DIS3L2: variants seen among roughly 807,000 people sequenced by gnomAD.
DIS3L2 encodes DIS3 like 3'-5' exoribonuclease 2, also known as DIS3-like exonuclease 2.
Under a neutral mutation model 97.5 loss-of-function variants are expected in DIS3L2, and 34 were observed. The observed-to-expected ratio is 0.35, with a 90% CI of 0.27 to 0.46. The LOEUF (loss-of-function observed/expected upper bound fraction) is 0.46. Among genes scored for constraint, DIS3L2 ranks in the 20% least tolerant of loss-of-function variants. The probability of loss-of-function intolerance (pLI) is 1.00; values close to 1 mark genes in which losing one functional copy is unlikely to be tolerated. For missense variants in DIS3L2, 1,038 were observed against 1,146.0 expected, an observed-to-expected ratio of 0.91 and a Z score of 1.36; for synonymous variants, 435 against 445.2, an observed-to-expected ratio of 0.98 and a Z score of 0.29.
chr2:232,104,882 A>G lies in DIS3L2; in HGVS notation c.601+17161A>G, dbSNP rs1237868251. On this transcript the variant is annotated intron_variant, in intron 6 of 20. Coordinates refer to ENST00000325385, the MANE Select transcript of DIS3L2 (RefSeq NM_152383.5). ...CCCCAGGCTGGAGTGCAGTGGTGTG[A>G]TCTCGGCTCACTGCAACCTCTGCCT... is the stretch of plus-strand genomic sequence containing the variant. Among the ~76,000 whole-genome samples, 4 of 151,392 alleles carry G rather than the reference A, an allele frequency of 2.6e-5. No homozygotes were observed. The East Asian group carries it at 7.8e-4, about 29-fold the overall frequency.
intron 13 of DIS3L2, among the ~76,000 whole-genome samples, chr2:232,298,359 A>G (rs781647484): frequency 2.0e-5 from 3 of 152,240 alleles, no homozygotes; most frequent in Non-Finnish European, 4.4e-5. Context: ...CTCAAAATGG[A>G]CAGAATGAAT....
intron 9 of DIS3L2, among the ~76,000 whole-genome samples, chr2:232,171,180 C>G (rs1690978981): frequency 6.6e-6 from 1 of 152,028 alleles, no homozygotes; most frequent in Admixed American, 6.6e-5. Flanking sequence ...GATTTTTGAC[C>G]AGATTAGGAT....
intron 14 of DIS3L2, among the ~76,000 whole-genome samples, chr2:232,318,363 C>T (rs148855432): frequency 2.6e-5 from 4 of 152,370 alleles, no homozygotes; most frequent in African/African-American, 9.6e-5. Flanking sequence ...ACCAGTTTCG[C>T]CAAGTGTTCT....
chr2:232,006,386 G>A (rs1373859638), intron 1 of DIS3L2, among the ~76,000 whole-genome samples: 4 of 152,134 alleles, frequency 2.6e-5, no homozygotes, highest in African/African-American at 9.7e-5. Flanking sequence ...ATCTACTTAG[G>A]ACTCATTTTG....
intron 5 of DIS3L2, among the ~76,000 whole-genome samples, chr2:232,057,119 T>C (rs1695567083): frequency 6.6e-6 from 1 of 152,200 alleles, no homozygotes; most frequent in African/African-American, 2.4e-5. Context: ...CAATTAAGTA[T>C]GAATCTAATG....
At chr2:232,081,523 A>G (rs1208503590) in intron 5 of DIS3L2, among the ~76,000 whole-genome samples, 7 of 151,840 alleles carry the variant, frequency 4.6e-5, no homozygotes, top group African/African-American at 1.7e-4. Flanking sequence ...TAGCTGAAAC[A>G]CTTGTATAAA....
rs559659291 is a variant in DIS3L2 at position 232,276,816 on chromosome 2, G to A, written c.1659+13376G>A. On this transcript the variant is annotated intron_variant, in intron 13 of 20. Transcript: ENST00000325385. The surrounding 1 kb of genome is among the most constrained non-coding windows in gnomAD (Gnocchi z 4.4). ...AAATGGAGAGCATAACAGTACCTAC[G>A]TTATAGGAATATTAGGTTAGATGAG... Among the ~76,000 whole-genome samples the A allele has an allele frequency of 9.9e-5, 15 of 152,254 alleles. No homozygotes were observed. Among genetic ancestry groups the A allele is most frequent in the East Asian group, 3.9e-4 (2 of 5,174 alleles).
At chr2:232,042,620 C>A (rs558411391) in intron 5 of DIS3L2, among the ~76,000 whole-genome samples, 1 of 152,296 alleles carries the variant, frequency 6.6e-6, no homozygotes, top group East Asian at 1.9e-4. Context: ...TTCTTCATTA[C>A]TGCCAGCTCT....
chr2:232,173,329 C>G (rs988395719), intron 9 of DIS3L2, among the ~76,000 whole-genome samples: 2 of 152,164 alleles, frequency 1.3e-5, no homozygotes, highest in Non-Finnish European at 2.9e-5. Context: ...CTCCCTGGTT[C>G]AAGCGATTCT....
chr2:232,212,523 G>A lies in DIS3L2; in HGVS notation c.1204+2118G>A, dbSNP rs1206445901. Among the ~76,000 whole-genome samples the A allele has an allele frequency of 2.6e-5, 4 of 152,328 alleles. No individual in the cohort carries two copies. The East Asian group carries it at 7.7e-4, about 29-fold the overall frequency. On this transcript the variant is annotated intron_variant, in intron 10 of 20. Coordinates refer to ENST00000325385, the MANE Select transcript of DIS3L2 (RefSeq NM_152383.5). ...GTGGTTTTATGTCTAGGGCCCAAGT[G>A]TGTCAGCAGAGGTTTCATAAAGGAA... is the stretch of plus-strand genomic sequence containing the variant.
At chr2:232,321,220 C>A (rs965605993) in intron 14 of DIS3L2, among the ~76,000 whole-genome samples, 5 of 152,142 alleles carry the variant, frequency 3.3e-5, no homozygotes, top group African/African-American at 1.2e-4. Context: ...CAACCAAGGA[C>A]CCCCAGAGCA....
chr2:232,324,992 G>A (rs1695534943), intron 14 of DIS3L2, among the ~76,000 whole-genome samples: 1 of 152,200 alleles, frequency 6.6e-6, no homozygotes, highest in Admixed American at 6.5e-5. Context: ...AGATGCCCTG[G>A]ATCCCTGACT....
intron 1 of DIS3L2, among the ~76,000 whole-genome samples, chr2:231,990,103 A>G (rs1399916147): frequency 6.6e-6 from 1 of 152,128 alleles, no homozygotes; most frequent in Admixed American, 6.6e-5. Flanking sequence ...TCTTTCCACA[A>G]GATCCTTTTA....
chr2:232,336,343 C>T, intron 20 of DIS3L2, 126 bp from the exon 21 acceptor site: 1 of 1,547,874 alleles, frequency 6.5e-7, no homozygotes. Flanking sequence ...CCATTACAGA[C>T]AGGCGAGCAG....
intron 14 of DIS3L2, among the ~76,000 whole-genome samples, chr2:232,305,454 AT>A (rs1266195442): frequency 6.6e-6 from 1 of 152,060 alleles, no homozygotes; most frequent in Non-Finnish European, 1.5e-5. Context: ...CTATTAATTA[AT>A]TTTTTTGGTG....
rs114995027 is a variant in DIS3L2 at position 232,194,988 on chromosome 2, A to G, written c.1125-15338A>G. ...TTTTGACCTAGAATCTAAGTATTTA[A>G]TATTAAAATCAGCCAGGAAGTCATT... On this transcript the variant is annotated intron_variant, in intron 9 of 20. Transcript: ENST00000325385. 2.8e-3 allele frequency among the ~76,000 whole-genome samples: 431 copies of G among 152,306 alleles called. 6 individuals carry two copies. The highest frequency in any genetic ancestry group is 3.7e-3 in the Non-Finnish European group (251 of 68,028).
chr2:232,329,786 C>CCCGGGGGCCA, intron 14 of DIS3L2, 27 bp from the exon 15 acceptor site: 1 of 430,236 alleles, frequency 2.3e-6, no homozygotes, highest in Non-Finnish European at 4.2e-6. Context: ...CCCCAGCGGT[C>CCCGGGGGCCA]CCTCCCATCC....
intron 1 of DIS3L2, among the ~76,000 whole-genome samples, chr2:232,011,553 A>G (rs563267847): frequency 2.0e-5 from 3 of 152,106 alleles, no homozygotes; most frequent in South Asian, 2.1e-4. Context: ...GGGTTTCTCT[A>G]TGTTGGTCAG....
chr2:232,215,062 A>G (rs372334515), intron 10 of DIS3L2, among the ~76,000 whole-genome samples: 2 of 152,240 alleles, frequency 1.3e-5, no homozygotes, highest in Non-Finnish European at 2.9e-5. Flanking sequence ...AACTTTGTGG[A>G]CATACCAAAA....
Sources: gnomAD v4.1 joint callset for allele counts (sites outside exome capture counted in the v4.1 genomes callset) on GRCh38, gnomAD v4.1.1 for gene constraint, Gnocchi (gnomAD v3.1) non-coding constraint, MANE v1.5 for transcripts, NCBI Gene and HGNC (gene_info 2026-07-23, HGNC 2026-07-21) for gene names.